HDAC8: variants seen among roughly 807,000 people sequenced by gnomAD.
The protein encoded by HDAC8 is histone deacetylase-like 1.
In HDAC8, 1 loss-of-function variant was observed where a neutral mutation model predicts 32.2. That is an observed-to-expected ratio of 0.03 (90% CI 0.01 to 0.15). HDAC8 has a LOEUF of 0.15. Ranked by LOEUF, HDAC8 falls within the 10% of genes least tolerant of loss-of-function variation. The pLI, the probability that HDAC8 is intolerant of heterozygous loss-of-function variation, is 1.00. For missense variants in HDAC8, 117 were observed against 300.0 expected (o/e 0.39, Z 4.51); for synonymous variants, 108 against 113.9 (o/e 0.95, Z 0.33).
rs782510508 is a variant in HDAC8, at chrX:72,460,140, T to A, written c.1005+1864A>T. ...AAGAAGAAGGAGATAACTTGCATTT[T>A]TTTTTCTTTTTTTTGAGACGGAGTG... is the stretch of plus-strand genomic sequence containing the variant. On this transcript the variant is annotated intron_variant, in intron 9 of 10. Transcript: ENST00000373573. 2.7e-5 allele frequency among the ~76,000 whole-genome samples: 3 copies of A among 111,270 alleles called. No homozygotes were observed. In the East Asian group the frequency reaches 8.5e-4, roughly 32 times the overall value.
intron 4 of HDAC8, among the ~76,000 whole-genome samples, chrX:72,549,736 C>A (rs2051001217): frequency 8.9e-6 from 1 of 111,798 alleles, no homozygotes; most frequent in Admixed American, 9.5e-5. Context: ...TAGACCACCC[C>A]TTCCTTATCA....
intron 7 of HDAC8, among the ~76,000 whole-genome samples, chrX:72,476,934 C>T (rs2048353355): frequency 9.0e-6 from 1 of 111,582 alleles, no homozygotes; most frequent in African/African-American, 3.3e-5. Flanking sequence ...TGTCACTGCC[C>T]GGTTATACCT....
chrX:72,514,080 G>A (rs782055420), intron 4 of HDAC8, among the ~76,000 whole-genome samples: 2 of 112,472 alleles, frequency 1.8e-5, no homozygotes, highest in Admixed American at 9.4e-5. Context: ...TATCACCAGC[G>A]TGAAATTTAA....
intron 9 of HDAC8, among the ~76,000 whole-genome samples, chrX:72,366,406 T>C (rs1555954368): frequency 8.9e-6 from 1 of 112,066 alleles, no homozygotes. Flanking sequence ...ATCTGGTCAA[T>C]TCTTCTGTTT....
chrX:72,375,498 C>A (rs1455544594), intron 9 of HDAC8, among the ~76,000 whole-genome samples: 1 of 107,309 alleles, frequency 9.3e-6, no homozygotes, highest in Non-Finnish European at 1.9e-5. Context: ...AACCAGAGGG[C>A]TGATGGTGTA....
chrX:72,468,119 G>A (rs1602989095), intron 7 of HDAC8: 1 of 874,348 alleles, frequency 1.1e-6, no homozygotes, highest in South Asian at 3.1e-5. Flanking sequence ...ACAGAGGGCT[G>A]GATTGTGAAC....
Position 72,381,448 on chromosome X carries a change from A to G in HDAC8, c.1006-29610T>C, listed in dbSNP as rs1206045795. 5.4e-5 allele frequency among the ~76,000 whole-genome samples: 6 copies of G among 111,348 alleles called. No homozygotes were observed. In the Admixed American group the frequency reaches 5.7e-4, roughly 11 times the overall value. On this transcript the variant is annotated intron_variant, in intron 9 of 10. Coordinates refer to ENST00000373573, the MANE Select transcript of HDAC8 (RefSeq NM_018486.3). ...TGCCCAAGGATGCCTGGAGAATAAT[A>G]CTCTGCATACGAAATCCAATCTTCT... is the stretch of plus-strand genomic sequence containing the variant.
chrX:72,370,459 C>G (rs1272146491), intron 9 of HDAC8, among the ~76,000 whole-genome samples: 2 of 111,900 alleles, frequency 1.8e-5, no homozygotes, highest in Non-Finnish European at 3.8e-5. Flanking sequence ...CTCCCAGGTT[C>G]AAGCCATTCT....
intron 9 of HDAC8, among the ~76,000 whole-genome samples, chrX:72,425,707 C>G (rs1555975203): frequency 9.0e-6 from 1 of 111,545 alleles, no homozygotes; most frequent in African/African-American, 3.3e-5. Context: ...TATGGATTTC[C>G]AAGAGTCTGA....
intron 9 of HDAC8, among the ~76,000 whole-genome samples, chrX:72,361,730 A>AT (rs2147772445): frequency 9.1e-6 from 1 of 110,243 alleles, no homozygotes; most frequent in East Asian, 2.8e-4. Context: ...AAAAAAAAAA[A>AT]AAAATAAGGT....
intron 9 of HDAC8, among the ~76,000 whole-genome samples, chrX:72,437,252 T>A (rs1302230763): frequency 1.8e-5 from 2 of 111,564 alleles, no homozygotes; most frequent in Non-Finnish European, 3.8e-5. Context: ...GAACTCCCTC[T>A]CCTAGCCAAG....
At chrX:72,411,590 C>T (rs955711319) in intron 9 of HDAC8, among the ~76,000 whole-genome samples, 1 of 111,464 alleles carries the variant, frequency 9.0e-6, no homozygotes, top group Admixed American at 9.5e-5. Context: ...TAGTATCCAG[C>T]AAATAGTGAG....
At chrX:72,358,579 G>A (rs1203661184) in intron 9 of HDAC8, among the ~76,000 whole-genome samples, 2 of 111,591 alleles carry the variant, frequency 1.8e-5, no homozygotes, top group African/African-American at 6.5e-5. Flanking sequence ...CATGCTATTC[G>A]GAACAGTATG....
chrX:72,460,230 G>A (rs1435910480), intron 9 of HDAC8, among the ~76,000 whole-genome samples: 4 of 110,588 alleles, frequency 3.6e-5, no homozygotes, highest in African/African-American at 6.6e-5. Flanking sequence ...TCCACCTTCC[G>A]GGTTCAAGCA....
intron 9 of HDAC8, among the ~76,000 whole-genome samples, chrX:72,449,643 T>C (rs1555986652): frequency 9.1e-6 from 1 of 110,201 alleles, no homozygotes; most frequent in Non-Finnish European, 1.9e-5. Flanking sequence ...CCCTAACATA[T>C]CAATAACTAC....
At chrX:72,418,407 T>C (rs1374934862) in intron 9 of HDAC8, among the ~76,000 whole-genome samples, 1 of 111,663 alleles carries the variant, frequency 9.0e-6, no homozygotes, top group African/African-American at 3.2e-5. Context: ...GAAGACATAC[T>C]AATGGCTAAC....
At chrX:72,438,648 C>T (rs781951763) in intron 9 of HDAC8, among the ~76,000 whole-genome samples, 55 of 110,703 alleles carry the variant, frequency 5.0e-4, no homozygotes, top group African/African-American at 1.7e-3. Flanking sequence ...AAACACAGCA[C>T]GAGAATTTCG....
At chrX:72,393,011 T>C (rs1471331618) in intron 9 of HDAC8, among the ~76,000 whole-genome samples, 3 of 112,187 alleles carry the variant, frequency 2.7e-5, no homozygotes, top group Non-Finnish European at 3.8e-5. Context: ...AATCCAGGAA[T>C]GTTCTGTGAC....
In HDAC8 at chrX:72,525,793, A is replaced by G. The variant is rs782499167; in HGVS notation, c.438-30525T>C. On this transcript the variant is annotated intron_variant, in intron 4 of 10. Coordinates refer to ENST00000373573, the MANE Select transcript of HDAC8 (RefSeq NM_018486.3). ...CGCGCCACTGCACTCCAGCCTGGGC[A>G]ACAGAGCGAGACTCTGTCTCAAAAA... Among the ~76,000 whole-genome samples, 492 of 89,315 alleles carry G rather than the reference A, an allele frequency of 5.5e-3. 7 individuals are homozygous for G. Among genetic ancestry groups the G allele is most frequent in the African/African-American group, 0.02 (477 of 23,594 alleles). 77.6% of individuals were successfully genotyped at this position (89,315 alleles called of 115,157 possible).
Sources: allele counts gnomAD v4.1 joint callset (sites outside exome capture counted in the v4.1 genomes callset), GRCh38; gene constraint gnomAD v4.1.1; transcripts MANE v1.5; gene names NCBI Gene and HGNC (gene_info 2026-07-23, HGNC 2026-07-21).